The following TBC1D4 variants were observed in gnomAD, a reference collection of about 807,000 sequenced individuals.
TBC1D4 encodes TBC (Tre-2, BUB2, CDC16) domain-containing protein.
TBC1D4 carries 121 observed loss-of-function variants against 142.5 expected under a neutral mutation model. The observed-to-expected ratio is 0.85, with a 90% CI of 0.73 to 0.99. The LOEUF (loss-of-function observed/expected upper bound fraction) is 0.99, where lower values mean the gene tolerates loss of function less well. TBC1D4 is among the 50% of genes least tolerant of loss of function. TBC1D4 has a pLI of 0.00. For synonymous variants in TBC1D4, 630 were observed against 628.2 expected (o/e 1.00, Z -0.04); for missense variants, 1,475 against 1,606.6 (o/e 0.92, Z 1.40).
intron 1 of TBC1D4, among the ~76,000 whole-genome samples, chr13:75,470,868 T>A (rs1398093035): frequency 6.6e-6 from 1 of 151,774 alleles, no homozygotes; most frequent in Admixed American, 6.6e-5. Context: ...GTGCCTGTAG[T>A]CCCAGATACT....
intron 1 of TBC1D4, among the ~76,000 whole-genome samples, chr13:75,459,463 T>C (rs992468978): frequency 6.6e-6 from 1 of 152,242 alleles, no homozygotes; most frequent in African/African-American, 2.4e-5. Context: ...TTTCTTACTG[T>C]CATTCTAATG....
chr13:75,297,915 T>G (rs2137868192), intron 17 of TBC1D4, among the ~76,000 whole-genome samples: 2 of 152,262 alleles, frequency 1.3e-5, no homozygotes, highest in South Asian at 4.2e-4. Flanking sequence ...AACCTAATGT[T>G]GATAGCAAAG....
At chr13:75,402,215 A>G (rs1308219546) in intron 1 of TBC1D4, among the ~76,000 whole-genome samples, 1 of 152,206 alleles carries the variant, frequency 6.6e-6, no homozygotes, top group Non-Finnish European at 1.5e-5. Flanking sequence ...ACATCTTTAT[A>G]TTAAAATACA....
chr13:75,429,929 T>C (rs1886527439), intron 1 of TBC1D4, among the ~76,000 whole-genome samples: 1 of 152,200 alleles, frequency 6.6e-6, no homozygotes, highest in Admixed American at 6.5e-5. Flanking sequence ...TTTTGTAATC[T>C]ACATAATAAT....
At chr13:75,436,027 T>C (rs1188324160) in intron 1 of TBC1D4, among the ~76,000 whole-genome samples, 1 of 152,170 alleles carries the variant, frequency 6.6e-6, no homozygotes, top group Admixed American at 6.5e-5. Context: ...GTAGCTCCCA[T>C]AATCCCCACG....
chr13:75,367,968 C>A (rs1593801068), intron 1 of TBC1D4, among the ~76,000 whole-genome samples: 2 of 152,274 alleles, frequency 1.3e-5, no homozygotes, highest in African/African-American at 4.8e-5. Flanking sequence ...TTTCCAGCTC[C>A]AGTAGCCTTA....
chr13:75,294,573 C>T (rs911511734), intron 18 of TBC1D4, among the ~76,000 whole-genome samples: 1 of 152,166 alleles, frequency 6.6e-6, no homozygotes, highest in African/African-American at 2.4e-5. Flanking sequence ...TAGGAGTATA[C>T]TCTCTGATTT....
intron 1 of TBC1D4, among the ~76,000 whole-genome samples, chr13:75,453,979 G>T (rs1402683757): frequency 1.3e-5 from 2 of 151,750 alleles, no homozygotes; most frequent in African/African-American, 4.8e-5. Flanking sequence ...GGAATATTCT[G>T]TAAAAATACA....
chr13:75,453,723 G>A (rs944978581), intron 1 of TBC1D4, among the ~76,000 whole-genome samples: 1 of 152,014 alleles, frequency 6.6e-6, no homozygotes, highest in African/African-American at 2.4e-5. Context: ...TTAGCCAGGG[G>A]TGGTGGCATG....
chr13:75,380,159 G>A (rs535709432), intron 1 of TBC1D4, among the ~76,000 whole-genome samples: 21 of 151,230 alleles, frequency 1.4e-4, no homozygotes, highest in Non-Finnish European at 2.8e-4. Flanking sequence ...GATTACAGGC[G>A]TGAGCCACCG....
intron 1 of TBC1D4, among the ~76,000 whole-genome samples, chr13:75,375,150 T>C (rs1368078404): frequency 6.6e-6 from 1 of 152,180 alleles, no homozygotes. Context: ...TCTGGTACCA[T>C]ACTCCTTCAC....
At chr13:75,389,947 G>A (rs1459406618) in intron 1 of TBC1D4, among the ~76,000 whole-genome samples, 1 of 152,078 alleles carries the variant, frequency 6.6e-6, no homozygotes, top group Non-Finnish European at 1.5e-5. Context: ...AATAAGTACT[G>A]AAGACAGGTA....
At position 75,349,204 on chromosome 13, in the gene TBC1D4, C is replaced by T; in HGVS notation, c.1374G>A (p.Met458Ile). ...TTTCACAGAGCTTATGCAAAGAGTG[C>T]ATCGGGCAGGCCTCACACAGTTTAA... ...TQIKLCEACP[M>I]HSLHKLCERI... Residue 458 changes from methionine (M) to isoleucine (I), a missense_variant, in exon 5 of 21, where the codon ATG (methionine) becomes ATA (isoleucine). Transcript: ENST00000377636. The T allele has an allele frequency of 6.2e-7, 1 of 1,614,008 alleles. No homozygotes were observed. The highest frequency in any genetic ancestry group is 8.5e-7 in the Non-Finnish European group (1 of 1,179,942).
At position 75,359,959 on chromosome 13, in the gene TBC1D4, T is replaced by A. The variant is rs970858741; in HGVS notation, c.1081-101A>T. The A allele has an allele frequency of 3.2e-6, 3 of 937,708 alleles. No individual in the cohort carries two copies. In the African/African-American group the frequency reaches 4.9e-5, roughly 15 times the overall value. 58.1% of individuals were successfully genotyped at this position (937,708 alleles called of 1,614,324 possible). ...TAATAATATAGATTCAAATGCAATA[T>A]CCCAGATATATGTATTTCATATGTG... On this transcript the variant is annotated intron_variant, in intron 2 of 20. Transcript: ENST00000377636.
chr13:75,290,656 T>C (rs1032146872), intron 19 of TBC1D4, among the ~76,000 whole-genome samples: 13 of 152,302 alleles, frequency 8.5e-5, no homozygotes, highest in African/African-American at 3.1e-4. Context: ...GTGATTTAGA[T>C]TCCATGTAAT....
chr13:75,345,760 A>C (rs929596933), intron 5 of TBC1D4, among the ~76,000 whole-genome samples: 4 of 151,960 alleles, frequency 2.6e-5, no homozygotes, highest in Non-Finnish European at 4.4e-5. Context: ...AAGATATTTA[A>C]AACTATAAAA....
At chr13:75,309,071 T>C (rs1877478750) in intron 14 of TBC1D4, among the ~76,000 whole-genome samples, 1 of 152,160 alleles carries the variant, frequency 6.6e-6, no homozygotes, top group Non-Finnish European at 1.5e-5. Flanking sequence ...AAATTATACT[T>C]GTGCCAATAA....
At position 75,362,322 on chromosome 13, in the gene TBC1D4, A is replaced by C; in HGVS notation, c.784T>G (p.Ser262Ala). The change falls in exon 2 of 21, where the codon TCC becomes GCC. Residue 262 changes from serine to alanine, a missense_variant. Around this residue, in one of 2 missense-constraint regions of TBC1D4, gnomAD observed 1,227 missense variants for 1,267.7 expected, o/e 0.97. Transcript: ENST00000377636. This position sits in a 1 kb window ranked among gnomAD's most constrained non-coding sequence, Gnocchi z 4.2. ...LADLEVVVPG[S>A]PGDCLPEEAD... The stretch of plus-strand genomic sequence containing the variant: ...TCCTCCGGCAGGCAGTCTCCGGGGG[A>C]CCCGGGCACCACCACCTCCAAGTCA... The C allele has an allele frequency of 6.2e-7, 1 of 1,613,952 alleles. No individual in the cohort carries two copies. Among genetic ancestry groups the C allele is most frequent in the Non-Finnish European group, 8.5e-7 (1 of 1,180,016 alleles).
intron 1 of TBC1D4, among the ~76,000 whole-genome samples, chr13:75,406,949 C>T (rs1378205801): frequency 6.6e-6 from 1 of 152,162 alleles, no homozygotes; most frequent in Non-Finnish European, 1.5e-5. Context: ...GATCAACACC[C>T]TAGTATTCAT....
Sources: gnomAD v4.1 joint callset for allele counts (sites outside exome capture counted in the v4.1 genomes callset) on GRCh38, gnomAD v4.1.1 for gene constraint, gnomAD v4.1.1 regional missense constraint, Gnocchi (gnomAD v3.1) non-coding constraint, MANE v1.5 for transcripts, NCBI Gene and HGNC (gene_info 2026-07-23, HGNC 2026-07-21) for gene names.